CPNE4: variants seen among roughly 807,000 people sequenced by gnomAD.
CPNE4 encodes the protein copine 4.
A neutral mutation model predicts 67.9 loss-of-function variants in CPNE4; 25 were observed. The observed-to-expected ratio is 0.37, with a 90% CI of 0.27 to 0.51. The LOEUF (loss-of-function observed/expected upper bound fraction) is 0.51. Among genes scored for constraint, CPNE4 ranks in the 20% least tolerant of loss-of-function variants. The probability of loss-of-function intolerance (pLI) is 0.93; values close to 1 mark genes in which losing one functional copy is unlikely to be tolerated. For missense variants in CPNE4, 464 were observed against 690.8 expected (o/e 0.67, Z 3.68); for synonymous variants, 242 against 244.9 (o/e 0.99, Z 0.11).
intron 2 of CPNE4, among the ~76,000 whole-genome samples, chr3:131,882,680 A>G (rs1349459167): frequency 2.0e-5 from 3 of 150,828 alleles, no homozygotes; most frequent in African/African-American, 7.3e-5. Flanking sequence ...TATTGTTCTC[A>G]TTATTTATTA....
chr3:131,895,958 G>A (rs1432252157), intron 2 of CPNE4, among the ~76,000 whole-genome samples: 2 of 151,832 alleles, frequency 1.3e-5, no homozygotes, highest in African/African-American at 2.4e-5. Context: ...AGGGGATCAC[G>A]CCTATAATCC....
intron 2 of CPNE4, among the ~76,000 whole-genome samples, chr3:131,823,194 C>G (rs2085028754): frequency 6.6e-6 from 1 of 152,156 alleles, no homozygotes; most frequent in Admixed American, 6.6e-5. Flanking sequence ...AGGAAGGAAA[C>G]TAATATTTAT....
Position 132,029,702 on chromosome 3 carries a change from A to ACATT in CPNE4, c.-2+4861_-2+4864dup, listed in dbSNP as rs1335185147. On this transcript the variant is annotated intron_variant, in intron 1 of 15. Coordinates refer to ENST00000429747, the MANE Select transcript of CPNE4 (RefSeq NM_130808.3). ...TCCGAAATACTGTATTTTCCCCCTG[A>ACATT]CATTTCCAAGGAGAAATTTCTCTAG... 2.6e-5 allele frequency among the ~76,000 whole-genome samples: 4 copies of ACATT among 152,360 alleles called. No homozygotes were observed. In the East Asian group the frequency reaches 7.7e-4, roughly 29 times the overall value.
At chr3:131,598,543 A>AT (rs1218710895) in intron 7 of CPNE4, among the ~76,000 whole-genome samples, 2 of 152,138 alleles carry the variant, frequency 1.3e-5, no homozygotes, top group African/African-American at 4.8e-5. Context: ...GGGAGGTTCC[A>AT]TTTTTTATAG....
chr3:131,790,772 T>G (rs2083695759), intron 2 of CPNE4, among the ~76,000 whole-genome samples: 1 of 152,208 alleles, frequency 6.6e-6, no homozygotes, highest in Non-Finnish European at 1.5e-5. Context: ...ACCCCACTGA[T>G]TTGTATACAC....
chr3:131,675,760 C>G (rs1583003038), intron 6 of CPNE4, among the ~76,000 whole-genome samples: 1 of 119,034 alleles, frequency 8.4e-6, no homozygotes, highest in East Asian at 2.0e-4. Flanking sequence ...ATTCGGCAAC[C>G]CTATGTCTTT....
rs537255529 is a variant in CPNE4 at position 131,898,569 on chromosome 3, C to T, written c.180+6695G>A. 4.6e-5 allele frequency among the ~76,000 whole-genome samples: 7 copies of T among 152,184 alleles called. No homozygotes were observed. The South Asian group carries it at 1.0e-3, about 23-fold the overall frequency. On this transcript the variant is annotated intron_variant, in intron 2 of 15. Coordinates refer to ENST00000429747, the MANE Select transcript of CPNE4 (RefSeq NM_130808.3). ...TTCCCTTCTTGTGTAATTCTGTTCT[C>T]AGACATTATGACACTGAAAATGTTG...
At chr3:131,850,417 C>A (rs994357905) in intron 2 of CPNE4, among the ~76,000 whole-genome samples, 6 of 152,066 alleles carry the variant, frequency 3.9e-5, no homozygotes, top group Admixed American at 2.6e-4. Context: ...AGTTACTTAA[C>A]TTCTCTGAGC....
intron 1 of CPNE4, among the ~76,000 whole-genome samples, chr3:132,016,359 T>G (rs1348328612): frequency 2.6e-5 from 4 of 152,204 alleles, no homozygotes; most frequent in African/African-American, 7.2e-5. Flanking sequence ...GGACTTATAT[T>G]TCAACATTCT....
intron 1 of CPNE4, among the ~76,000 whole-genome samples, chr3:132,013,279 A>G (rs1020791413): frequency 6.6e-6 from 1 of 152,214 alleles, no homozygotes; most frequent in Non-Finnish European, 1.5e-5. Flanking sequence ...AGGCAATTAC[A>G]TTGAGTTAAA....
rs140335893 is a variant in CPNE4, at chr3:131,873,154, G to A, written c.180+32110C>T. 8.5e-5 allele frequency among the ~76,000 whole-genome samples: 13 copies of A among 152,248 alleles called. No homozygotes were observed. In the East Asian group the frequency reaches 2.1e-3, roughly 25 times the overall value. On this transcript the variant is annotated intron_variant, in intron 2 of 15. Transcript: ENST00000429747. ...ATTTACTTTAACTATTGCAAGATTG[G>A]GAATTCTCAGATGGCTAGGACCATG...
chr3:131,815,112 T>C (rs1168022692), intron 2 of CPNE4, among the ~76,000 whole-genome samples: 2 of 152,120 alleles, frequency 1.3e-5, no homozygotes, highest in African/African-American at 4.8e-5. Context: ...AGGTGGTAAA[T>C]GTGGATGTGG....
At chr3:131,743,949 C>A (rs1156796851) in intron 2 of CPNE4, among the ~76,000 whole-genome samples, 1 of 88,888 alleles carries the variant, frequency 1.1e-5, no homozygotes, top group East Asian at 3.4e-4. Flanking sequence ...GGCGACAGAG[C>A]GAGACTCCGT....
At chr3:131,717,972 T>C (rs2081776104) in intron 3 of CPNE4, among the ~76,000 whole-genome samples, 1 of 149,676 alleles carries the variant, frequency 6.7e-6, no homozygotes, top group Non-Finnish European at 1.5e-5. Flanking sequence ...TCTTTCTCTC[T>C]CTCTGTCTCT....
At chr3:131,879,553 C>T (rs576899170) in intron 2 of CPNE4, among the ~76,000 whole-genome samples, 1 of 152,190 alleles carries the variant, frequency 6.6e-6, no homozygotes, top group African/African-American at 2.4e-5. Flanking sequence ...AACATCCCTT[C>T]CTCTCCCCAC....
chr3:131,871,012 A>C (rs1378996119), intron 2 of CPNE4, among the ~76,000 whole-genome samples: 1 of 152,144 alleles, frequency 6.6e-6, no homozygotes, highest in Non-Finnish European at 1.5e-5. Context: ...TAGTTTGGGA[A>C]ACCAGTTATT....
At chr3:132,015,589 A>G (rs933755994) in intron 1 of CPNE4, among the ~76,000 whole-genome samples, 1 of 152,184 alleles carries the variant, frequency 6.6e-6, no homozygotes, top group Non-Finnish European at 1.5e-5. Flanking sequence ...ATAATCAGTC[A>G]AAACGTACCA....
chr3:131,588,304 C>G (rs1405126271), intron 7 of CPNE4, among the ~76,000 whole-genome samples: 1 of 152,168 alleles, frequency 6.6e-6, no homozygotes, highest in Non-Finnish European at 1.5e-5. Context: ...TAGACTGAAT[C>G]AGCAGCAATC....
At chr3:131,570,441 G>A (rs1050498996) in intron 10 of CPNE4, among the ~76,000 whole-genome samples, 1 of 151,838 alleles carries the variant, frequency 6.6e-6, no homozygotes, top group Non-Finnish European at 1.5e-5. Context: ...ACCCACTAAC[G>A]TGTCATCTAG....
Sources: gnomAD v4.1 joint callset for allele counts (sites outside exome capture counted in the v4.1 genomes callset) on GRCh38, gnomAD v4.1.1 for gene constraint, MANE v1.5 for transcripts, NCBI Gene and HGNC (gene_info 2026-07-23, HGNC 2026-07-21) for gene names.